Variants in CHODL observed in about 807,000 individuals in gnomAD.
CHODL encodes transmembrane protein MT75.
In CHODL, 29 loss-of-function variants were observed where a neutral mutation model predicts 34.5. That is an observed-to-expected ratio of 0.84 (90% CI 0.63 to 1.15). The LOEUF is 1.15. Among genes scored for constraint, CHODL ranks in the 50% most tolerant of loss-of-function variants. The pLI, the probability that CHODL is intolerant of heterozygous loss-of-function variation, is 0.00. For synonymous variants in CHODL, 125 were observed against 116.1 expected (o/e 1.08, Z -0.49); for missense variants, 332 against 332.5 (o/e 1.00, Z 0.01).
At chr21:17,917,945 A>T (rs572935352) in intron 1 of CHODL, among the ~76,000 whole-genome samples, 16 of 151,966 alleles carry the variant, frequency 1.1e-4, no homozygotes, top group African/African-American at 3.4e-4. Flanking sequence ...AAAGGAGGTG[A>T]TGAACAATTA....
chr21:18,136,154 T>C (rs965535124), intron 2 of CHODL, among the ~76,000 whole-genome samples: 1 of 150,204 alleles, frequency 6.7e-6, no homozygotes, highest in Admixed American at 6.6e-5. Flanking sequence ...ATTTCTACAG[T>C]GACATCTCTG....
chr21:17,947,686 G>T (rs2063422693), intron 1 of CHODL, among the ~76,000 whole-genome samples: 1 of 152,002 alleles, frequency 6.6e-6, no homozygotes, highest in Admixed American at 6.6e-5. Flanking sequence ...AAGGATTTGG[G>T]AAAAAGAGAA....
chr21:18,245,529 C>A (rs985910862), intron 1 of CHODL, among the ~76,000 whole-genome samples: 1 of 152,190 alleles, frequency 6.6e-6, no homozygotes, highest in Admixed American at 6.5e-5. Flanking sequence ...TACGTAGCTG[C>A]GGAGCGAGCC....
chr21:18,154,588 A>C (rs1265323640), intron 2 of CHODL, among the ~76,000 whole-genome samples: 1 of 152,210 alleles, frequency 6.6e-6, no homozygotes, highest in Non-Finnish European at 1.5e-5. Flanking sequence ...GTCTCAAAAA[A>C]AGGTTACCTG....
At chr21:18,118,886 C>T (rs1450303524) in intron 2 of CHODL, among the ~76,000 whole-genome samples, 1 of 152,120 alleles carries the variant, frequency 6.6e-6, no homozygotes, top group Non-Finnish European at 1.5e-5. Flanking sequence ...AATGCTTTCA[C>T]ATACATTTTT....
At chr21:17,970,649 T>C (rs956208498) in intron 1 of CHODL, among the ~76,000 whole-genome samples, 4 of 152,178 alleles carry the variant, frequency 2.6e-5, no homozygotes, top group Non-Finnish European at 5.9e-5. Flanking sequence ...TTTGGTTGCA[T>C]GAATAAGTCC....
chr21:17,989,462 C>G (rs2063779986), intron 1 of CHODL, among the ~76,000 whole-genome samples: 1 of 152,060 alleles, frequency 6.6e-6, no homozygotes, highest in Admixed American at 6.6e-5. Flanking sequence ...ATTTAAAATG[C>G]CCCCAAACTC....
chr21:18,143,260 C>G (rs1020772123), intron 2 of CHODL, among the ~76,000 whole-genome samples: 3 of 152,136 alleles, frequency 2.0e-5, no homozygotes, highest in Non-Finnish European at 4.4e-5. Flanking sequence ...AGTAGGAACA[C>G]TATAACCATG....
intron 3 of CHODL, among the ~76,000 whole-genome samples, chr21:18,258,423 G>A (rs998041478): frequency 6.6e-5 from 10 of 151,840 alleles, no homozygotes; most frequent in Middle Eastern, 6.8e-3. Context: ...TTACATTATC[G>A]CCTTCTCCTT....
At chr21:18,128,082 C>T (rs1228444655) in intron 2 of CHODL, among the ~76,000 whole-genome samples, 1 of 151,464 alleles carries the variant, frequency 6.6e-6, no homozygotes, top group Non-Finnish European at 1.5e-5. Flanking sequence ...GGGCGGATCA[C>T]GAGGTCAGGA....
intron 5 of CHODL, among the ~76,000 whole-genome samples, chr21:18,264,021 G>A (rs1601228656): frequency 6.6e-6 from 1 of 151,832 alleles, no homozygotes; most frequent in East Asian, 1.9e-4. Flanking sequence ...TTATTTGGAT[G>A]AAAATCTACA....
At chr21:18,147,020 T>A (rs979972672) in intron 2 of CHODL, among the ~76,000 whole-genome samples, 1 of 152,192 alleles carries the variant, frequency 6.6e-6, no homozygotes, top group African/African-American at 2.4e-5. Flanking sequence ...CTTCTTGGCC[T>A]TATGTACTCT....
At chr21:18,102,949 T>C (rs575383769) in intron 2 of CHODL, among the ~76,000 whole-genome samples, 32 of 152,292 alleles carry the variant, frequency 2.1e-4, no homozygotes, top group Non-Finnish European at 3.4e-4. Context: ...GGCACAAAGG[T>C]AGCAATAACA....
chr21:17,974,760 G>T (rs1388517080), intron 1 of CHODL, among the ~76,000 whole-genome samples: 2 of 151,450 alleles, frequency 1.3e-5, no homozygotes, highest in Admixed American at 1.3e-4. Flanking sequence ...ACATCAAAGA[G>T]GATAATTCTT....
chr21:18,255,370 T>G (rs1417647940), intron 1 of CHODL, among the ~76,000 whole-genome samples: 1 of 152,062 alleles, frequency 6.6e-6, no homozygotes, highest in Non-Finnish European at 1.5e-5. Context: ...ACTTTCAAAC[T>G]CATAAACGAA....
chr21:18,174,337 A>T (rs2073280705), intron 2 of CHODL, among the ~76,000 whole-genome samples: 1 of 151,530 alleles, frequency 6.6e-6, no homozygotes, highest in South Asian at 2.1e-4. Context: ...TTTTTATACT[A>T]GGTAAAGTGC....
At chr21:17,921,842 T>C (rs2063185395) in intron 1 of CHODL, among the ~76,000 whole-genome samples, 1 of 152,228 alleles carries the variant, frequency 6.6e-6, no homozygotes, top group South Asian at 2.1e-4. Flanking sequence ...TGATGCAGCA[T>C]GTGGACAGCA....
intron 2 of CHODL, among the ~76,000 whole-genome samples, chr21:18,156,496 T>A (rs1208315359): frequency 1.3e-5 from 2 of 152,146 alleles, no homozygotes; most frequent in East Asian, 1.9e-4. Context: ...AAAATAATTT[T>A]AAAAAATAAA....
intron 2 of CHODL, among the ~76,000 whole-genome samples, chr21:18,060,982 G>A (rs144790137): frequency 4.8e-4 from 73 of 152,290 alleles, no homozygotes; most frequent in Middle Eastern, 3.4e-3. Context: ...GTGTTCCAGC[G>A]TTGTATTTCC....
Sources: allele counts gnomAD v4.1 joint callset (sites outside exome capture counted in the v4.1 genomes callset), GRCh38; gene constraint gnomAD v4.1.1; transcripts MANE v1.5; gene names NCBI Gene and HGNC (gene_info 2026-07-23, HGNC 2026-07-21).